Variants in NLGN1 observed in about 807,000 individuals in gnomAD.
NLGN1 encodes neuroligin 1, also known as neuroligin-1.
Under a neutral mutation model 65.5 loss-of-function variants are expected in NLGN1, and 12 were observed. The ratio of observed to expected loss-of-function variants is 0.18; its 90% CI spans 0.12 to 0.30. The LOEUF (loss-of-function observed/expected upper bound fraction) is 0.30, where lower values mean the gene tolerates loss of function less well. Ranked by LOEUF, NLGN1 falls within the 10% of genes least tolerant of loss-of-function variation. The probability of loss-of-function intolerance (pLI) is 1.00; values close to 1 mark genes in which losing one functional copy is unlikely to be tolerated. For synonymous variants in NLGN1, 350 were observed against 359.5 expected, an observed-to-expected ratio of 0.97 and a Z score of 0.30; for missense variants, 750 against 1,007.1, an observed-to-expected ratio of 0.74 and a Z score of 3.46.
intron 2 of NLGN1, among the ~76,000 whole-genome samples, chr3:173,574,989 A>G (rs899504889): frequency 1.3e-5 from 2 of 152,104 alleles, no homozygotes; most frequent in Non-Finnish European, 2.9e-5. Context: ...GGCTTGAGTG[A>G]TCCTCCCGCC....
intron 4 of NLGN1, among the ~76,000 whole-genome samples, chr3:174,011,919 C>T (rs1725635701): frequency 6.6e-6 from 1 of 152,064 alleles, no homozygotes. Context: ...AAAGGAGGTG[C>T]TCATTATTCC....
chr3:174,145,566 A>G (rs184526882), intron 4 of NLGN1, among the ~76,000 whole-genome samples: 35 of 152,264 alleles, frequency 2.3e-4, no homozygotes, highest in African/African-American at 8.4e-4. Flanking sequence ...TTAAACAAAA[A>G]GGCATTGAAA....
intron 4 of NLGN1, among the ~76,000 whole-genome samples, chr3:173,859,828 C>T (rs1273199855): frequency 6.6e-6 from 1 of 151,878 alleles, no homozygotes; most frequent in Non-Finnish European, 1.5e-5. Flanking sequence ...CACGACTAAA[C>T]ATCATCCATT....
rs373212630 is a variant in NLGN1, at chr3:174,231,478, A to G, written c.647-43837A>G. ...CGCTGGGATTGCCCAACACTCAGCT[A>G]TTGTTACAGGTGCATACTACTAAGC... On this transcript the variant is annotated intron_variant, in intron 4 of 6. Transcript: ENST00000457714. Among the ~76,000 whole-genome samples, 6 of 152,260 alleles carry G rather than the reference A, an allele frequency of 3.9e-5. No homozygotes were observed. In the East Asian group the frequency reaches 9.7e-4, roughly 25 times the overall value.
chr3:174,136,576 T>C (rs1721257718), intron 4 of NLGN1: 1 of 152,242 alleles, frequency 6.6e-6, no homozygotes, highest in African/African-American at 2.4e-5. Context: ...GAGATTCTAC[T>C]AGAGGTAAGG....
chr3:174,170,737 A>T (rs1391776794), intron 4 of NLGN1, among the ~76,000 whole-genome samples: 2 of 152,224 alleles, frequency 1.3e-5, no homozygotes, highest in Non-Finnish European at 2.9e-5. Context: ...ATAATATTCC[A>T]TAAAATAATG....
At chr3:174,162,219 A>T (rs1726682917) in intron 4 of NLGN1, among the ~76,000 whole-genome samples, 1 of 151,976 alleles carries the variant, frequency 6.6e-6, no homozygotes, top group Non-Finnish European at 1.5e-5. Flanking sequence ...AAATAGAATT[A>T]AAAACTCTCA....
intron 3 of NLGN1, among the ~76,000 whole-genome samples, chr3:173,710,867 A>C (rs1451119963): frequency 6.6e-6 from 1 of 152,162 alleles, no homozygotes; most frequent in Non-Finnish European, 1.5e-5. Flanking sequence ...TCCATAAGAA[A>C]ACAGATTTCT....
chr3:174,129,831 A>C (rs1484498886), intron 4 of NLGN1, among the ~76,000 whole-genome samples: 10 of 152,248 alleles, frequency 6.6e-5, no homozygotes, highest in Admixed American at 6.5e-4. Flanking sequence ...GTGGGTCCTA[A>C]GTATAATTTT....
chr3:174,230,428 T>C (rs1740496888), intron 4 of NLGN1, among the ~76,000 whole-genome samples: 1 of 152,202 alleles, frequency 6.6e-6, no homozygotes, highest in African/African-American at 2.4e-5. Flanking sequence ...ATGGTATGTA[T>C]CTAACATTCA....
At chr3:174,069,673 A>G (rs974327148) in intron 4 of NLGN1, among the ~76,000 whole-genome samples, 2 of 152,236 alleles carry the variant, frequency 1.3e-5, no homozygotes, top group Non-Finnish European at 2.9e-5. Context: ...TAAGGGGTTC[A>G]TTGATTGTTC....
intron 4 of NLGN1, among the ~76,000 whole-genome samples, chr3:173,930,946 C>T (rs1275834926): frequency 6.6e-6 from 1 of 152,170 alleles, no homozygotes; most frequent in Non-Finnish European, 1.5e-5. Context: ...ACTACCTCCT[C>T]ACTCACAGTC....
intron 4 of NLGN1, among the ~76,000 whole-genome samples, chr3:174,178,266 C>T (rs928348957): frequency 6.6e-6 from 1 of 152,074 alleles, no homozygotes; most frequent in South Asian, 2.1e-4. Flanking sequence ...ATAATTTTCG[C>T]TATTCCCAAT....
At chr3:174,278,035 C>T (rs1406350851) in intron 5 of NLGN1, among the ~76,000 whole-genome samples, 1 of 151,940 alleles carries the variant, frequency 6.6e-6, no homozygotes, top group Non-Finnish European at 1.5e-5. Flanking sequence ...CAGCACTTAA[C>T]TGCATATGGA....
intron 4 of NLGN1, among the ~76,000 whole-genome samples, chr3:173,952,615 A>G (rs1748428523): frequency 6.6e-6 from 1 of 152,158 alleles, no homozygotes; most frequent in African/African-American, 2.4e-5. Flanking sequence ...TAGCTGTTTC[A>G]TGATTTCCCT....
At chr3:173,567,098 A>G (rs573735368) in intron 2 of NLGN1, among the ~76,000 whole-genome samples, 5 of 152,128 alleles carry the variant, frequency 3.3e-5, no homozygotes, top group Non-Finnish European at 7.4e-5. Context: ...TAAAATACCT[A>G]TTCCTCTTAT....
chr3:173,439,858 G>A (rs965103499), intron 2 of NLGN1, among the ~76,000 whole-genome samples: 1 of 152,100 alleles, frequency 6.6e-6, no homozygotes, highest in Non-Finnish European at 1.5e-5. Flanking sequence ...TCAGAGTGGT[G>A]GTTGCTAAAA....
intron 4 of NLGN1, among the ~76,000 whole-genome samples, chr3:174,021,189 A>G (rs1017845916): frequency 1.3e-5 from 2 of 151,940 alleles, no homozygotes; most frequent in Non-Finnish European, 2.9e-5. Flanking sequence ...AGAGAAATAT[A>G]TTAGTGCTCC....
At chr3:173,510,093 G>A (rs1453517504) in intron 2 of NLGN1, among the ~76,000 whole-genome samples, 3 of 152,154 alleles carry the variant, frequency 2.0e-5, no homozygotes, top group African/African-American at 7.2e-5. Context: ...TTCTCCACTT[G>A]CAGGATCAAA....
Sources: gnomAD v4.1 joint callset for allele counts (sites outside exome capture counted in the v4.1 genomes callset) on GRCh38, gnomAD v4.1.1 for gene constraint, MANE v1.5 for transcripts, NCBI Gene and HGNC (gene_info 2026-07-23, HGNC 2026-07-21) for gene names.